FOXA2: variants seen among roughly 807,000 people sequenced by gnomAD.
The protein encoded by FOXA2 is hepatocyte nuclear factor 3-beta.
A neutral mutation model predicts 33.3 loss-of-function variants in FOXA2; 9 were observed. The observed-to-expected ratio is 0.27, with a 90% CI of 0.16 to 0.47. The LOEUF is 0.47. FOXA2 is among the 20% of genes least tolerant of loss of function. FOXA2 has a pLI of 0.99. For missense variants in FOXA2, 704 were observed against 659.9 expected (o/e 1.07, Z -0.73); for synonymous variants, 329 against 289.4 (o/e 1.14, Z -1.39).
chr20:22,583,041 G>A lies in FOXA2; in HGVS notation c.201C>T (p.Gly67=), dbSNP rs530463577. 1 of 1,610,076 alleles carries A rather than the reference G, an allele frequency of 6.2e-7. No individual in the cohort carries two copies. Among genetic ancestry groups the A allele is most frequent in the South Asian group, 1.1e-5 (1 of 91,076 alleles). ...MGSGSGNMSA[G]SMNMSSYVGA... is the part of the protein sequence containing the mutation. ...CCACGTACGACGACATGTTCATGGAGCCCGCGCTCATGTTGCCCGAGCCGC... is the reference window on the plus strand; with the variant it reads ...CCACGTACGACGACATGTTCATGGAACCCGCGCTCATGTTGCCCGAGCCGC... The change falls in exon 2 of 2, where the codon GGC becomes GGT. Residue 67 remains glycine (G), a synonymous_variant. Transcript: ENST00000419308.
Position 22,582,225 on chromosome 20 carries a change from TG to T in FOXA2, c.1016del (p.Pro339GlnfsTer32). 6.6e-7 allele frequency: 1 copy of T among 1,518,946 alleles called. No homozygotes were observed. The highest frequency in any genetic ancestry group is 2.2e-5 in the Admixed American group (1 of 46,476). 94.1% of individuals were successfully genotyped at this position (1,518,946 alleles called of 1,614,324 possible). Reference protein sequence around the residue: ...KGTPAAALSPPEPAPSPGQQQ... With the variant: ...KGTPAAALSPXEPAPSPGQQQ... ...GCTGCCCGGGAGAGGGCGCCGGCTC[TG>T]GGGGGCTCAGCGCCGCAGCCGGCGT... On this transcript the variant is annotated frameshift_variant, in exon 2 of 2. Coordinates refer to ENST00000419308, the MANE Select transcript of FOXA2 (RefSeq NM_021784.5). LOFTEE classifies it high-confidence loss of function.
rs1222931066 is a variant in FOXA2 at position 22,584,193 on chromosome 20, T to G, written c.86A>C (p.Glu29Ala). 6 of 1,613,480 alleles carry G rather than the reference T, an allele frequency of 3.7e-6. No individual in the cohort carries two copies. Among genetic ancestry groups the G allele is most frequent in the Non-Finnish European group, 5.1e-6 (6 of 1,179,866 alleles). The change falls in exon 1 of 2, where the codon GAG becomes GCG. Residue 29 changes from glutamate (E) to alanine (A), a missense_variant and splice_region_variant. Coordinates refer to ENST00000419308, the MANE Select transcript of FOXA2 (RefSeq NM_021784.5). ...SDWSSYYAEP[E>A]GYSSVSNMNA... ...CCCCTGGAAAAGACGAGCGCTTACC[T>G]CGGGCTCTGCATAGTAGCTGCTCCA...
chr20:22,583,799 A>T (rs967641223), intron 1 of FOXA2, among the ~76,000 whole-genome samples: 12 of 152,052 alleles, frequency 7.9e-5, no homozygotes, highest in Non-Finnish European at 8.8e-5. Flanking sequence ...TTTGTCCACT[A>T]GTCTTTGACT....
chr20:22,585,098 C>A (rs116754279), upstream of FOXA2, among the ~76,000 whole-genome samples: 610 of 152,274 alleles, frequency 4.0e-3, 4 homozygotes, highest in African/African-American at 0.014. Context: ...TCGCGCCGGG[C>A]GCCCGGTGCG....
rs1406825618 is a variant in FOXA2 at position 22,581,810 on chromosome 20, C to T, written c.*40G>A. The T allele has an allele frequency of 1.3e-6, 2 of 1,589,236 alleles. No individual in the cohort carries two copies. Among genetic ancestry groups the T allele is most frequent in the African/African-American group, 1.3e-5 (1 of 74,354 alleles). ...CTTGCTCTCTCACTTGTCCTCGATC[C>T]GGGGTGCCAGAGTTAGCCGGGCCTG... On this transcript the variant is annotated 3_prime_UTR_variant, in exon 2 of 2. Transcript: ENST00000419308.
Position 22,581,754 on chromosome 20 carries a change from C to A in FOXA2, c.*96G>T. On this transcript the variant is annotated 3_prime_UTR_variant, in exon 2 of 2. Coordinates refer to ENST00000419308, the MANE Select transcript of FOXA2 (RefSeq NM_021784.5). ...GGATTTCTTCTCCCTTGCGTCTCTGCAACACCGTCTCCCCAAAGTCTCGAC... is the reference window on the plus strand; with the variant it reads ...GGATTTCTTCTCCCTTGCGTCTCTGAAACACCGTCTCCCCAAAGTCTCGAC... 2 of 1,202,322 alleles carry A rather than the reference C, an allele frequency of 1.7e-6. No individual in the cohort carries two copies. The highest frequency in any genetic ancestry group is 2.4e-5 in the East Asian group (1 of 42,530). 74.5% of individuals were successfully genotyped at this position (1,202,322 alleles called of 1,614,324 possible).
At position 22,582,025 on chromosome 20, in the gene FOXA2, A is replaced by T. The variant is rs1301649285; in HGVS notation, c.1217T>A (p.Met406Lys). ...CACCTGTTCGTAGGCCTTGAGGTCC[A>T]TTTTGTGGGGTTGGTGGTGGTGGTG... Reference protein sequence around the residue: ...HSHHHHQPHKMDLKAYEQVMH... With the variant: ...HSHHHHQPHKKDLKAYEQVMH... Residue 406 changes from methionine to lysine, a missense_variant, in exon 2 of 2, where the codon ATG (methionine) becomes AAG (lysine). Coordinates refer to ENST00000419308, the MANE Select transcript of FOXA2 (RefSeq NM_021784.5). The T allele has an allele frequency of 6.2e-7, 1 of 1,614,092 alleles. No individual in the cohort carries two copies. Among genetic ancestry groups the T allele is most frequent in the East Asian group, 2.2e-5 (1 of 44,854 alleles).
In FOXA2 at chr20:22,584,310, G is replaced by T. The variant is rs996730665; in HGVS notation, c.-32C>A. On this transcript the variant is annotated 5_prime_UTR_variant, in exon 1 of 2. Coordinates refer to ENST00000419308, the MANE Select transcript of FOXA2 (RefSeq NM_021784.5). Reference sequence around the variant, plus strand: ...TTAAAATTTAACAGCCACAACAAACGACCAGCAATCACCCCCCACCCCCAC... The same window carrying T: ...TTAAAATTTAACAGCCACAACAAACTACCAGCAATCACCCCCCACCCCCAC... 1.9e-6 allele frequency: 3 copies of T among 1,583,674 alleles called. No individual in the cohort carries two copies. The highest frequency in any genetic ancestry group is 1.7e-6 in the Non-Finnish European group (2 of 1,153,948).
Position 22,583,069 on chromosome 20 carries a change from C to T in FOXA2, c.173G>A (p.Gly58Asp). 6.2e-7 allele frequency: 1 copy of T among 1,609,780 alleles called. No homozygotes were observed. Among genetic ancestry groups the T allele is most frequent in the East Asian group, 2.2e-5 (1 of 44,846 alleles). The change falls in exon 2 of 2, where the codon GGC (glycine) becomes GAC (aspartate). Residue 58 changes from glycine to aspartate, a missense_variant. This residue lies in a region of FOXA2 where 304 missense variants were observed against 251.7 expected (regional missense o/e 1.21). Coordinates refer to ENST00000419308, the MANE Select transcript of FOXA2 (RefSeq NM_021784.5). ...TYMSMSAAAM[G>D]SGSGNMSAGS... is the part of the protein sequence containing the mutation. The stretch of plus-strand genomic sequence containing the variant: ...CGCGCTCATGTTGCCCGAGCCGCTG[C>T]CCATGGCGGCCGCCGACATGCTCAT...
chr20:22,584,104 G>T lies in FOXA2; in HGVS notation c.87+88C>A, dbSNP rs376057692. 424 of 1,292,504 alleles carry T rather than the reference G, an allele frequency of 3.3e-4. 3 individuals carry two copies. In the East Asian group the frequency reaches 5.7e-3, roughly 17 times the overall value. 80.1% of individuals were successfully genotyped at this position (1,292,504 alleles called of 1,614,324 possible). On this transcript the variant is annotated intron_variant, in intron 1 of 1. Coordinates refer to ENST00000419308, the MANE Select transcript of FOXA2 (RefSeq NM_021784.5). ...AGGCTGGGGTTGTGGGGCGGGGTGG[G>T]GGGGTGCCAGCGAGGGAAGCGGTCC...
rs1247284954 is a variant in FOXA2, at chr20:22,583,112, T to G, written c.130A>C (p.Asn44His). Residue 44 changes from asparagine to histidine, a missense_variant, in exon 2 of 2, where the codon AAC becomes CAC. Physicochemically the swap from Asn to His is moderately conservative, Grantham distance 68. This residue lies in a region of FOXA2 where 304 missense variants were observed against 251.7 expected (regional missense o/e 1.21). Coordinates refer to ENST00000419308, the MANE Select transcript of FOXA2 (RefSeq NM_021784.5). ...VSNMNAGLGM[N>H]GMNTYMSMSA... ...ATGCTCATGTACGTGTTCATGCCGT[T>G]CATCCCCAGGCCGGCGTTCATGTTG... The G allele has an allele frequency of 4.4e-6, 7 of 1,607,114 alleles. No individual in the cohort carries two copies. The highest frequency in any genetic ancestry group is 5.9e-6 in the Non-Finnish European group (7 of 1,179,848).
chr20:22,582,009 G>A lies in FOXA2; in HGVS notation c.1233C>T (p.Tyr411=). ...HQPHKMDLKA[Y]EQVMHYPGYG... Reference sequence around the variant, plus strand: ...AGCCGGGGTAGTGCATCACCTGTTCGTAGGCCTTGAGGTCCATTTTGTGGG... The same window carrying A: ...AGCCGGGGTAGTGCATCACCTGTTCATAGGCCTTGAGGTCCATTTTGTGGG... Residue 411 remains tyrosine (Y), a synonymous_variant, in exon 2 of 2, where the codon TAC becomes TAT. Coordinates refer to ENST00000419308, the MANE Select transcript of FOXA2 (RefSeq NM_021784.5). 2 of 1,614,198 alleles carry A rather than the reference G, an allele frequency of 1.2e-6. No individual in the cohort carries two copies. Among genetic ancestry groups the A allele is most frequent in the Non-Finnish European group, 8.5e-7 (1 of 1,180,020 alleles).
At chr20:22,584,882 C>T (rs1287062206), upstream of FOXA2, among the ~76,000 whole-genome samples, 7 of 152,082 alleles carry the variant, frequency 4.6e-5, no homozygotes. Flanking sequence ...ACCTGCCCCT[C>T]AGCGCCTGCC....
chr20:22,581,708 G>C lies in FOXA2; in HGVS notation c.*142C>G. On this transcript the variant is annotated 3_prime_UTR_variant, in exon 2 of 2. Transcript: ENST00000419308. ...GGTGAAGAAGACTGCTGTCTTGGGG[G>C]TGTTGGGGTGGGGGTGTTATGGATT... The C allele has an allele frequency of 1.3e-6, 1 of 751,074 alleles. No individual in the cohort carries two copies. 46.5% of individuals were successfully genotyped at this position (751,074 alleles called of 1,614,324 possible). A position where few individuals can be genotyped will look rare whatever the true frequency, so the allele number is the denominator to read the frequency against.
Position 22,581,891 on chromosome 20 carries a change from A to T in FOXA2, c.1351T>A (p.Tyr451Asn). ...ASPLAADTSY[Y>N]QGVYSRPIMN... ...ATGGGCCGGGAGTACACCCCCTGGTAGTAGGAGGTATCTGCGGCCAGGGGC... is the reference window on the plus strand; with the variant it reads ...ATGGGCCGGGAGTACACCCCCTGGTTGTAGGAGGTATCTGCGGCCAGGGGC... The change falls in exon 2 of 2, where the codon TAC (tyrosine) becomes AAC (asparagine). Residue 451 changes from tyrosine to asparagine, a missense_variant. This residue lies in a region of FOXA2 where 343 missense variants were observed against 274.8 expected (regional missense o/e 1.25). Transcript: ENST00000419308. 1 of 1,606,038 alleles carries T rather than the reference A, an allele frequency of 6.2e-7. No homozygotes were observed. Among genetic ancestry groups the T allele is most frequent in the South Asian group, 1.1e-5 (1 of 90,848 alleles).
chr20:22,582,175 A>G lies in FOXA2; in HGVS notation c.1067T>C (p.Leu356Pro). Residue 356 changes from leucine to proline, a missense_variant, in exon 2 of 2, where the codon CTG becomes CCG. By Grantham distance (98) the Leu-to-Pro change is moderately conservative. Around this residue, in one of 5 missense-constraint regions of FOXA2, gnomAD observed 343 missense variants for 274.8 expected, o/e 1.25. Transcript: ENST00000419308. ...CAGGCCCGGGTGGTGGGGCGGGCCC[A>G]GCAGGTGGGCCGCGGCCTGCTGCTG... ...GQQQQAAAHL[L>P]GPPHHPGLPP... 1 of 1,556,266 alleles carries G rather than the reference A, an allele frequency of 6.4e-7. No individual in the cohort carries two copies. The highest frequency in any genetic ancestry group is 8.7e-7 in the Non-Finnish European group (1 of 1,149,412).
At position 22,582,978 on chromosome 20, in the gene FOXA2, G is replaced by A. The variant is rs1405416434; in HGVS notation, c.264C>T (p.Pro88=). ...CCATGCCCGCCATGGCGCCCGCGCC[G>A]GGGGACATCCCCGCCAGGGACGGGC... ...GMSPSLAGMS[P]GAGAMAGMGG... is the part of the protein sequence containing the mutation. Residue 88 remains proline (P), a synonymous_variant, in exon 2 of 2, where the codon CCC becomes CCT. Transcript: ENST00000419308. The A allele has an allele frequency of 1.2e-6, 2 of 1,603,778 alleles. No individual in the cohort carries two copies. Among genetic ancestry groups the A allele is most frequent in the African/African-American group, 1.3e-5 (1 of 74,568 alleles).
rs144279222 is a variant in FOXA2, at chr20:22,582,753, G to A, written c.489C>T (p.His163=). Residue 163 remains histidine (H), a synonymous_variant, in exon 2 of 2, where the codon CAC becomes CAT. Coordinates refer to ENST00000419308, the MANE Select transcript of FOXA2 (RefSeq NM_021784.5). The stretch of plus-strand genomic sequence containing the variant: ...AGATGTACGAGTAGGGCGGCTTTGC[G>A]TGCGTGTAGCTGCGCCTGTAGGTCT... ...DPKTYRRSYT[H]AKPPYSYISL... 57 of 1,614,032 alleles carry A rather than the reference G, an allele frequency of 3.5e-5. No individual in the cohort carries two copies. Among genetic ancestry groups the A allele is most frequent in the Non-Finnish European group, 4.4e-5 (52 of 1,180,010 alleles).
chr20:22,583,241 CGCGT>C, intron 1 of FOXA2, 87 bp from the exon 2 acceptor site: 4 of 1,482,132 alleles, frequency 2.7e-6, no homozygotes, highest in Non-Finnish European at 3.7e-6. Context: ...CCCAGGCCTC[CGCGT>C]CCGGGGAGGC....
Sources: allele counts gnomAD v4.1 joint callset (sites outside exome capture counted in the v4.1 genomes callset), GRCh38; gene constraint gnomAD v4.1.1; regional missense constraint gnomAD v4.1.1; transcripts MANE v1.5; gene names NCBI Gene and HGNC (gene_info 2026-07-23, HGNC 2026-07-21).